The following BOC variants were observed in gnomAD, a reference collection of about 807,000 sequenced individuals.
The protein encoded by BOC is BOC cell adhesion associated, oncogene regulated.
A neutral mutation model predicts 112.0 loss-of-function variants in BOC; 76 were observed. The observed-to-expected ratio is 0.68, with a 90% confidence interval of 0.56 to 0.82. The LOEUF (loss-of-function observed/expected upper bound fraction) is 0.82, where lower values mean the gene tolerates loss of function less well. BOC is among the 40% of genes least tolerant of loss of function. The pLI is 0.00. For synonymous variants in BOC, 580 were observed against 599.8 expected (o/e 0.97, Z 0.48); for missense variants, 1,309 against 1,511.7 (o/e 0.87, Z 2.22).
intron 4 of BOC, 94 bp downstream of exon 4, chr3:113,250,927 CTT>C (rs776506501): frequency 1.7e-5 from 25 of 1,488,396 alleles, no homozygotes; most frequent in Non-Finnish European, 2.2e-5. Context: ...TCTTGTTACT[CTT>C]AGCATAAAAT....
In BOC at chr3:113,279,317, C is replaced by A; in HGVS notation, c.1885C>A (p.Pro629Thr). 1 of 1,614,196 alleles carries A rather than the reference C, an allele frequency of 6.2e-7. No individual in the cohort carries two copies. The highest frequency in any genetic ancestry group is 8.5e-7 in the Non-Finnish European group (1 of 1,180,030). Residue 629 changes from proline to threonine, a missense_variant, in exon 12 of 20, where the codon CCC becomes ACC. Transcript: ENST00000682979. Reference sequence around the variant, plus strand: ...GACCTCAGTGTACGTGACCTGGATTCCCCGTGGGAATGGTGGGTTCCCAAT... The same window carrying A: ...GACCTCAGTGTACGTGACCTGGATTACCCGTGGGAATGGTGGGTTCCCAAT... ...SETSVYVTWI[P>T]RGNGGFPIQS... is the part of the protein sequence containing the mutation.
Position 113,285,583 on chromosome 3 carries a change from G to A in BOC, c.3160+18G>A, listed in dbSNP as rs1194613967. On this transcript the variant is annotated intron_variant, in intron 19 of 19. Transcript: ENST00000682979. ...TCACTCAGGTTGGTTCCAGGAGCAG[G>A]GCAGGGAAATTAAACAGGCTGGGGG... 1.9e-6 allele frequency: 3 copies of A among 1,548,616 alleles called. No individual in the cohort carries two copies. The highest frequency in any genetic ancestry group is 2.6e-6 in the Non-Finnish European group (3 of 1,146,964).
chr3:113,227,629 T>C (rs1472885806), intron 2 of BOC, among the ~76,000 whole-genome samples: 1 of 152,220 alleles, frequency 6.6e-6, no homozygotes, highest in African/African-American at 2.4e-5. Context: ...CTTGCCTTAA[T>C]TGAAAGGACA....
Position 113,279,399 on chromosome 3 carries a change from C to T in BOC, c.1967C>T (p.Ala656Val), listed in dbSNP as rs1207024655. Residue 656 changes from alanine to valine, a missense_variant, in exon 12 of 20, where the codon GCC (alanine) becomes GTC (valine). Transcript: ENST00000682979. Reference sequence around the variant, plus strand: ...AAGAAAGTGGGAGACTGGATTCTGGCCACCAGCGCCATCCCCCCATCGCGG... The same window carrying T: ...AAGAAAGTGGGAGACTGGATTCTGGTCACCAGCGCCATCCCCCCATCGCGG... ...KLKKVGDWIL[A>V]TSAIPPSRLS... The T allele has an allele frequency of 3.1e-6, 5 of 1,614,078 alleles. No homozygotes were observed. The highest frequency in any genetic ancestry group is 4.2e-6 in the Non-Finnish European group (5 of 1,180,022).
chr3:113,249,896 T>TTGAG lies in BOC; in HGVS notation c.97+4_97+7dup. On this transcript the variant is annotated frameshift_variant, in exon 3 of 20. Transcript: ENST00000682979. LOFTEE classifies it high-confidence loss of function. ...AGCCACAGCAGGCTGCTTTGCTGAC[T>TTGAG]TGAGTGAGTGCTTTCCTTCCCTTTC... 1 of 1,613,124 alleles carries TTGAG rather than the reference T, an allele frequency of 6.2e-7. No individual in the cohort carries two copies. Among genetic ancestry groups the TTGAG allele is most frequent in the African/African-American group, 1.3e-5 (1 of 74,912 alleles).
Position 113,283,524 on chromosome 3 carries a change from C to A in BOC, c.2548C>A (p.Arg850Ser). 6.2e-7 allele frequency: 1 copy of A among 1,613,926 alleles called. No homozygotes were observed. The highest frequency in any genetic ancestry group is 8.5e-7 in the Non-Finnish European group (1 of 1,180,004). ...RPVGTGAMVA[R>S]SSDLPYLIVG... ...GGTGGGCACTGGGGCCATGGTGGCT[C>A]GCTCCAGCGACCTGCCCTATCTGAT... Residue 850 changes from arginine (R) to serine (S), a missense_variant, in exon 16 of 20, where the codon CGC becomes AGC. By Grantham distance (110) the Arg-to-Ser change is moderately radical (BLOSUM62 -1). Coordinates refer to ENST00000682979, the MANE Select transcript of BOC (RefSeq NM_001378074.1).
At position 113,274,645 on chromosome 3, in the gene BOC, G is replaced by T. The variant is rs147404105; in HGVS notation, c.1505G>T (p.Arg502Leu). 1.2e-6 allele frequency: 2 copies of T among 1,608,094 alleles called. No individual in the cohort carries two copies. The highest frequency in any genetic ancestry group is 1.7e-6 in the Non-Finnish European group (2 of 1,176,024). Residue 502 changes from arginine (R) to leucine (L), a missense_variant, in exon 9 of 20, where the codon CGG becomes CTG. By Grantham distance (102) the Arg-to-Leu change is moderately radical. Transcript: ENST00000682979. The surrounding 1 kb of genome is among the most constrained non-coding windows in gnomAD (Gnocchi z 4.8). ...CGGCCTCGGCATGAGGGCAGTGGCC[G>T]GGCGCCAATCCTCTACTATGTGGTG... is the stretch of plus-strand genomic sequence containing the variant. ...VWRPRHEGSGRAPILYYVVKH... is the reference protein window; with the variant it reads ...VWRPRHEGSGLAPILYYVVKH...
intron 4 of BOC, among the ~76,000 whole-genome samples, chr3:113,253,193 C>T (rs570662456): frequency 1.3e-5 from 2 of 151,196 alleles, no homozygotes; most frequent in African/African-American, 2.5e-5. Flanking sequence ...TATACAAGTT[C>T]TTTTCTCTCT....
rs1431376593 is a variant in BOC at position 113,271,810 on chromosome 3, CCA to C, written c.668-597_668-596del. On this transcript the variant is annotated intron_variant, in intron 6 of 19. Transcript: ENST00000682979. ...TTTCAGTGAGTTCTCTGCAGTTTGT[CCA>C]CAGTGTTGAAAAAAGATTACAGCTT... 2.4e-5 allele frequency: 4 copies of C among 163,800 alleles called. No individual in the cohort carries two copies. The East Asian group carries it at 5.1e-4, about 21-fold the overall frequency. The allele number at this position is 163,800 out of a possible 1,614,324, so 10.1% of individuals were successfully genotyped here.
At chr3:113,279,176 G>A (rs746866854) in intron 11 of BOC, 73 bp from the exon 12 acceptor site, 29 of 1,490,848 alleles carry the variant, frequency 1.9e-5, no homozygotes, top group East Asian at 6.9e-5. Flanking sequence ...GGCATACAGC[G>A]TCATCTCACC....
chr3:113,248,368 C>T (rs1390943015), intron 2 of BOC, among the ~76,000 whole-genome samples: 1 of 152,236 alleles, frequency 6.6e-6, no homozygotes, highest in Non-Finnish European at 1.5e-5. Context: ...AGTTGAGAAG[C>T]TTAACTACTT....
At chr3:113,268,099 C>T (rs1442001879) in intron 4 of BOC, among the ~76,000 whole-genome samples, 200 bp from the exon 5 acceptor site, 2 of 152,168 alleles carry the variant, frequency 1.3e-5, no homozygotes, top group Non-Finnish European at 2.9e-5. Flanking sequence ...ACAAAGTGAA[C>T]CCCATCAGTG....
intron 1 of BOC, among the ~76,000 whole-genome samples, chr3:113,215,304 G>A (rs986965501): frequency 2.2e-4 from 34 of 152,176 alleles, no homozygotes; most frequent in Non-Finnish European, 3.2e-4. Flanking sequence ...GTTGGTAACG[G>A]ATAGAGAAGA....
At chr3:113,262,307 C>T (rs1946977015) in intron 4 of BOC, among the ~76,000 whole-genome samples, 1 of 152,242 alleles carries the variant, frequency 6.6e-6, no homozygotes, top group Non-Finnish European at 1.5e-5. Context: ...CTGGAGAACA[C>T]CACGCTTGTG....
intron 2 of BOC, among the ~76,000 whole-genome samples, chr3:113,230,651 G>A (rs1404713541): frequency 6.6e-6 from 1 of 152,150 alleles, no homozygotes; most frequent in Admixed American, 6.5e-5. Context: ...TCAACAAGTG[G>A]TCAAATAATT....
chr3:113,243,799 A>G (rs1944591526), intron 2 of BOC, among the ~76,000 whole-genome samples: 1 of 152,224 alleles, frequency 6.6e-6, no homozygotes, highest in African/African-American at 2.4e-5. Context: ...TTAAGACCTG[A>G]ACTGAAAACT....
chr3:113,274,371 C>T lies in BOC; in HGVS notation c.1235-4C>T, dbSNP rs1205425638. 1 of 1,506,186 alleles carries T rather than the reference C, an allele frequency of 6.6e-7. No homozygotes were observed. The highest frequency in any genetic ancestry group is 2.3e-5 in the East Asian group (1 of 43,062). The allele number at this position is 1,506,186 out of a possible 1,614,324, so 93.3% of individuals were successfully genotyped here. On this transcript the variant is annotated splice_polypyrimidine_tract_variant and splice_region_variant and intron_variant, in intron 8 of 19. Coordinates refer to ENST00000682979, the MANE Select transcript of BOC (RefSeq NM_001378074.1). This position sits in a 1 kb window ranked among gnomAD's most constrained non-coding sequence, Gnocchi z 4.8. ...TTTCCTTCTGCTTCCTGTTGGTCCT[C>T]CAGGCATAACCCCAAGGCTATGGCA...
At chr3:113,237,942 G>A (rs376071784) in intron 2 of BOC, among the ~76,000 whole-genome samples, 4 of 152,168 alleles carry the variant, frequency 2.6e-5, no homozygotes, top group African/African-American at 9.7e-5. Flanking sequence ...AAGATAAATT[G>A]GACACATCCT....
At chr3:113,267,425 G>A (rs1458626464) in intron 4 of BOC, among the ~76,000 whole-genome samples, 2 of 152,192 alleles carry the variant, frequency 1.3e-5, no homozygotes, top group Admixed American at 6.5e-5. Context: ...GCCAAGCCAG[G>A]AGAGATGGCT....
Sources: gnomAD v4.1 joint callset for allele counts (sites outside exome capture counted in the v4.1 genomes callset) on GRCh38, gnomAD v4.1.1 for gene constraint, Gnocchi (gnomAD v3.1) non-coding constraint, MANE v1.5 for transcripts, NCBI Gene and HGNC (gene_info 2026-07-23, HGNC 2026-07-21) for gene names.